Variants in ESRRG observed in about 807,000 individuals in gnomAD.
ESRRG encodes the protein estrogen related receptor gamma.
A neutral mutation model predicts 44.0 loss-of-function variants in ESRRG; 13 were observed. The observed-to-expected ratio is 0.30, with a 90% CI of 0.19 to 0.47. The LOEUF is 0.47. Ranked by LOEUF, ESRRG falls within the 20% of genes least tolerant of loss-of-function variation. ESRRG has a pLI of 1.00. For missense variants in ESRRG, 395 were observed against 580.6 expected (o/e 0.68, Z 3.29); for synonymous variants, 215 against 214.6 (o/e 1.00, Z -0.02).
chr1:216,524,049 A>C (rs1479653699), intron 5 of ESRRG, among the ~76,000 whole-genome samples: 2 of 151,930 alleles, frequency 1.3e-5, no homozygotes, highest in African/African-American at 2.4e-5. Flanking sequence ...TAACAGTGGC[A>C]CTAACATTTG....
intron 1 of ESRRG, chr1:216,707,513 G>A: frequency 1.2e-5 from 18 of 1,516,482 alleles, no homozygotes; most frequent in East Asian, 2.5e-5. Flanking sequence ...AGAAAGTTAG[G>A]GTGAAAGTTG....
At chr1:216,557,324 T>G (rs983707302) in intron 5 of ESRRG, among the ~76,000 whole-genome samples, 1 of 152,152 alleles carries the variant, frequency 6.6e-6, no homozygotes, top group Admixed American at 6.5e-5. Flanking sequence ...CTTAACTTGT[T>G]ATAAAACAGA....
intron 5 of ESRRG, among the ~76,000 whole-genome samples, chr1:216,524,044 G>A (rs1276669571): frequency 6.6e-6 from 1 of 151,802 alleles, no homozygotes; most frequent in African/African-American, 2.4e-5. Flanking sequence ...AAGAATAACA[G>A]TGGCACTAAC....
chr1:216,879,527 T>G (rs2818811), intron 2 of ESRRG, among the ~76,000 whole-genome samples: 2 of 149,460 alleles, frequency 1.3e-5, no homozygotes, highest in South Asian at 4.2e-4. Flanking sequence ...AAAAGGCAGT[T>G]TAAAAAAGAT....
intron 1 of ESRRG, among the ~76,000 whole-genome samples, chr1:216,689,401 A>G (rs145441640): frequency 2.0e-5 from 3 of 152,262 alleles, no homozygotes; most frequent in African/African-American, 7.2e-5. Flanking sequence ...GTTACATAAT[A>G]TCATTCCCTT....
chr1:216,912,214 AG>A, intron 2 of ESRRG, among the ~76,000 whole-genome samples: 2 of 24,618 alleles, frequency 8.1e-5, no homozygotes, highest in Admixed American at 5.0e-4. Context: ...AGGAGAGGAG[AG>A]GAGAGGAGAG....
intron 2 of ESRRG, among the ~76,000 whole-genome samples, chr1:216,837,023 T>G (rs1378823439): frequency 6.6e-6 from 1 of 152,130 alleles, no homozygotes; most frequent in Non-Finnish European, 1.5e-5. Context: ...GGATCAAACA[T>G]GCAACCAGCT....
intron 2 of ESRRG, among the ~76,000 whole-genome samples, chr1:216,813,755 A>G (rs776394534): frequency 1.3e-5 from 2 of 152,178 alleles, no homozygotes; most frequent in African/African-American, 4.8e-5. Flanking sequence ...CACTATACAC[A>G]CATAATTGTT....
intron 2 of ESRRG, among the ~76,000 whole-genome samples, chr1:216,938,096 G>A (rs1043335642): frequency 7.2e-5 from 11 of 152,016 alleles, no homozygotes; most frequent in African/African-American, 2.2e-4. Context: ...CAAAGCAGAC[G>A]TGTTCTTGAA....
intron 1 of ESRRG, among the ~76,000 whole-genome samples, chr1:217,086,227 G>T (rs1005154656): frequency 1.3e-5 from 2 of 152,138 alleles, no homozygotes; most frequent in Admixed American, 1.3e-4. Flanking sequence ...GCATTTAAAT[G>T]GATATATAGT....
chr1:216,774,652 T>C (rs2093523565), intron 2 of ESRRG, among the ~76,000 whole-genome samples: 1 of 152,088 alleles, frequency 6.6e-6, no homozygotes, highest in Admixed American at 6.6e-5. Flanking sequence ...TTATAACATA[T>C]TAATGAAAAG....
chr1:216,983,478 C>T (rs1313633146), intron 1 of ESRRG, among the ~76,000 whole-genome samples: 2 of 152,046 alleles, frequency 1.3e-5, no homozygotes, highest in Non-Finnish European at 2.9e-5. Flanking sequence ...GCGATCCTCC[C>T]ATCTTGGCCT....
In ESRRG at chr1:216,822,897, A is replaced by G. The variant is rs555642401; in HGVS notation, c.-14+116685T>C. Among the ~76,000 whole-genome samples, 19 of 152,342 alleles carry G rather than the reference A, an allele frequency of 1.2e-4. No individual in the cohort carries two copies. The South Asian group carries it at 3.9e-3, about 32-fold the overall frequency. On this transcript the variant is annotated intron_variant, in intron 2 of 7. Coordinates refer to the ESRRG transcript ENST00000359162. The stretch of plus-strand genomic sequence containing the variant: ...TTCATTTAGATTCCACATAGAAGAC[A>G]CTGTACTAATTTTAGACAAGGTTCC...
chr1:216,721,303 A>C (rs1209144051), intron 1 of ESRRG, among the ~76,000 whole-genome samples: 1 of 152,210 alleles, frequency 6.6e-6, no homozygotes, highest in Non-Finnish European at 1.5e-5. Context: ...TTCTGTGTAT[A>C]CACACACGTG....
intron 1 of ESRRG, among the ~76,000 whole-genome samples, chr1:216,974,961 G>GA (rs2072560611): frequency 6.6e-6 from 1 of 151,588 alleles, no homozygotes; most frequent in Admixed American, 6.6e-5. Flanking sequence ...TTTTTTCCCA[G>GA]AAAAAAGAAC....
chr1:216,680,939 CAGAA>C (rs2076935222), intron 1 of ESRRG, among the ~76,000 whole-genome samples: 1 of 152,048 alleles, frequency 6.6e-6, no homozygotes, highest in Non-Finnish European at 1.5e-5. Flanking sequence ...ACCTTTTTGT[CAGAA>C]AGAGCCATTT....
chr1:216,778,690 T>C (rs1460346722), intron 2 of ESRRG, among the ~76,000 whole-genome samples: 1 of 151,984 alleles, frequency 6.6e-6, no homozygotes, highest in Admixed American at 6.6e-5. Flanking sequence ...TGAAATGTAT[T>C]GTACACCCAC....
chr1:216,621,494 T>C (rs2062231807), intron 3 of ESRRG, among the ~76,000 whole-genome samples: 1 of 152,162 alleles, frequency 6.6e-6, no homozygotes, highest in Non-Finnish European at 1.5e-5. Flanking sequence ...GGGTATGTGA[T>C]GGTAAAGCCA....
chr1:216,661,304 G>A (rs780734908), intron 2 of ESRRG, among the ~76,000 whole-genome samples: 1 of 152,108 alleles, frequency 6.6e-6, no homozygotes, highest in African/African-American at 2.4e-5. Context: ...TGTCTGAGCT[G>A]ACTATAACCT....
Sources: gnomAD v4.1 joint callset for allele counts (sites outside exome capture counted in the v4.1 genomes callset) on GRCh38, gnomAD v4.1.1 for gene constraint, MANE v1.5 for transcripts, NCBI Gene and HGNC (gene_info 2026-07-23, HGNC 2026-07-21) for gene names.